DLG2: variants seen among roughly 807,000 people sequenced by gnomAD.
DLG2 encodes discs large MAGUK scaffold protein 2.
Under a neutral mutation model 132.5 loss-of-function variants are expected in DLG2, and 45 were observed. The ratio of observed to expected loss-of-function variants is 0.34; its 90% CI spans 0.27 to 0.44. DLG2 has a LOEUF of 0.44. Among genes scored for constraint, DLG2 ranks in the 20% least tolerant of loss-of-function variants. DLG2 has a pLI of 1.00. For missense variants in DLG2, 1,045 were observed against 1,196.9 expected, an observed-to-expected ratio of 0.87 and a Z score of 1.87; for synonymous variants, 424 against 419.6, an observed-to-expected ratio of 1.01 and a Z score of -0.13.
chr11:85,058,098 C>T (rs1262778687), intron 6 of DLG2, among the ~76,000 whole-genome samples: 1 of 150,982 alleles, frequency 6.6e-6, no homozygotes, highest in Non-Finnish European at 1.5e-5. Context: ...TAGAAGAGAC[C>T]AAATAAAACT....
chr11:83,704,725 G>T (rs921056340), intron 18 of DLG2, among the ~76,000 whole-genome samples: 1 of 152,006 alleles, frequency 6.6e-6, no homozygotes, highest in Non-Finnish European at 1.5e-5. Flanking sequence ...TACTTGGGAG[G>T]CTGAGGCAGG....
At chr11:83,526,766 A>G (rs753429591) in intron 21 of DLG2, among the ~76,000 whole-genome samples, 1 of 152,098 alleles carries the variant, frequency 6.6e-6, no homozygotes, top group Non-Finnish European at 1.5e-5. Flanking sequence ...ACCATGTTTT[A>G]TTTCATACTT....
intron 10 of DLG2, among the ~76,000 whole-genome samples, chr11:84,091,172 A>G (rs2097086696): frequency 6.6e-6 from 1 of 152,202 alleles, no homozygotes; most frequent in African/African-American, 2.4e-5. Context: ...CCATAAACAC[A>G]CATACCCGAA....
At chr11:83,464,541 A>G (rs1320945406) in intron 26 of DLG2, among the ~76,000 whole-genome samples, 2 of 152,264 alleles carry the variant, frequency 1.3e-5, no homozygotes, top group African/African-American at 4.8e-5. Flanking sequence ...CTTGAGACCC[A>G]TGAATATGGC....
intron 14 of DLG2, among the ~76,000 whole-genome samples, chr11:83,950,440 CA>C (rs1316051805): frequency 2.6e-5 from 4 of 152,060 alleles, no homozygotes; most frequent in African/African-American, 9.7e-5. Flanking sequence ...ACTAAAAATA[CA>C]AGATTAGCTG....
At chr11:84,167,069 C>G in intron 8 of DLG2, 1 of 510,690 alleles carries the variant, frequency 2.0e-6, no homozygotes, top group Admixed American at 2.2e-5. Context: ...ACTTTGAGAA[C>G]TAGAAAAATC....
chr11:84,321,315 C>G (rs1055108457), intron 7 of DLG2, among the ~76,000 whole-genome samples: 3 of 152,186 alleles, frequency 2.0e-5, no homozygotes, highest in Admixed American at 2.0e-4. Context: ...CACCCTTGCT[C>G]TAATTCTCTC....
At chr11:83,877,608 C>A (rs1204128432) in intron 15 of DLG2, among the ~76,000 whole-genome samples, 1 of 152,096 alleles carries the variant, frequency 6.6e-6, no homozygotes, top group Non-Finnish European at 1.5e-5. Context: ...CTGAGGTGCA[C>A]AGAGAATTTG....
At chr11:85,507,603 T>C (rs1219964780) in intron 3 of DLG2, among the ~76,000 whole-genome samples, 7 of 152,232 alleles carry the variant, frequency 4.6e-5, no homozygotes, top group African/African-American at 1.7e-4. Flanking sequence ...TGGGCTTCCC[T>C]TTTTGGGTAA....
chr11:84,987,725 A>G (rs1394641557), intron 6 of DLG2, among the ~76,000 whole-genome samples: 1 of 152,182 alleles, frequency 6.6e-6, no homozygotes, highest in Non-Finnish European at 1.5e-5. Flanking sequence ...CATGTAAGAG[A>G]ATGAAACTGG....
chr11:83,556,852 T>C lies in DLG2; in HGVS notation c.1941-14994A>G, dbSNP rs530485017. ...TCCAGTGGAAGGCAAGCTGGGATGA[T>C]GCGGGGAAGATGACTAGACAAGGAA... On this transcript the variant is annotated intron_variant, in intron 19 of 27. Coordinates refer to ENST00000376104, the MANE Select transcript of DLG2 (RefSeq NM_001142699.3). Among the ~76,000 whole-genome samples the C allele has an allele frequency of 4.6e-5, 7 of 152,302 alleles. No individual in the cohort carries two copies. In the South Asian group the frequency reaches 1.0e-3, roughly 23 times the overall value.
At chr11:84,496,061 TG>T (rs1180850867) in intron 7 of DLG2, among the ~76,000 whole-genome samples, 3 of 152,008 alleles carry the variant, frequency 2.0e-5, no homozygotes, top group African/African-American at 7.2e-5. Context: ...TAAGCTGGAG[TG>T]AGCTAAGCTG....
intron 6 of DLG2, chr11:84,720,581 C>T: frequency 1.5e-6 from 1 of 684,210 alleles, no homozygotes; most frequent in Non-Finnish European, 1.8e-6. Flanking sequence ...CGGGGTCTCC[C>T]TTCCCTGGGG....
chr11:84,740,795 C>T (rs1013558315), intron 6 of DLG2, among the ~76,000 whole-genome samples: 1 of 152,158 alleles, frequency 6.6e-6, no homozygotes, highest in Non-Finnish European at 1.5e-5. Context: ...ACCCTGAGCC[C>T]GCCAATCTGT....
At chr11:85,361,511 T>C (rs929137964) in intron 3 of DLG2, among the ~76,000 whole-genome samples, 11 of 152,178 alleles carry the variant, frequency 7.2e-5, no homozygotes, top group African/African-American at 2.7e-4. Flanking sequence ...TGCATGTCCA[T>C]GTGTACGCAT....
At chr11:83,851,551 C>T (rs1336589134) in intron 16 of DLG2, among the ~76,000 whole-genome samples, 5 of 148,050 alleles carry the variant, frequency 3.4e-5, no homozygotes, top group Admixed American at 6.8e-5. Flanking sequence ...TGCTTGAACT[C>T]GGGAGGCAGA....
At chr11:83,763,859 T>A (rs1328941068) in intron 18 of DLG2, among the ~76,000 whole-genome samples, 6 of 152,236 alleles carry the variant, frequency 3.9e-5, no homozygotes, top group Non-Finnish European at 8.8e-5. Context: ...CCTTCTTCTC[T>A]CACTGGTCCT....
At chr11:85,008,873 A>G (rs2058920087) in intron 6 of DLG2, among the ~76,000 whole-genome samples, 1 of 152,106 alleles carries the variant, frequency 6.6e-6, no homozygotes, top group Admixed American at 6.5e-5. Context: ...AAAGAAAATA[A>G]TTATAGAGAG....
At chr11:85,532,704 C>T (rs1391393561) in intron 3 of DLG2, among the ~76,000 whole-genome samples, 1 of 152,166 alleles carries the variant, frequency 6.6e-6, no homozygotes, top group Admixed American at 6.5e-5. Context: ...GAAGAGAATA[C>T]TCTTCCAACT....
Sources: allele counts gnomAD v4.1 joint callset (sites outside exome capture counted in the v4.1 genomes callset), GRCh38; gene constraint gnomAD v4.1.1; transcripts MANE v1.5; gene names NCBI Gene and HGNC (gene_info 2026-07-23, HGNC 2026-07-21).